PDE1A: variants seen among roughly 807,000 people sequenced by gnomAD.
PDE1A encodes the protein phosphodiesterase 1A, also known as dual specificity calcium/calmodulin-dependent 3',5'-cyclic nucleotide phosphodiesterase 1A.
Under a neutral mutation model 61.7 loss-of-function variants are expected in PDE1A, and 35 were observed. The ratio of observed to expected loss-of-function variants is 0.57; its 90% CI spans 0.43 to 0.75. The LOEUF (loss-of-function observed/expected upper bound fraction) is 0.75. PDE1A is among the 30% of genes least tolerant of loss of function. The pLI, the probability that PDE1A is intolerant of heterozygous loss-of-function variation, is 0.00. For missense variants in PDE1A, 597 were observed against 630.6 expected, an observed-to-expected ratio of 0.95 and a Z score of 0.57; for synonymous variants, 232 against 213.2, an observed-to-expected ratio of 1.09 and a Z score of -0.77.
At chr2:182,629,304 A>G in the PDE1A span, among the ~76,000 whole-genome samples, 5 of 152,208 alleles carry the variant, frequency 3.3e-5, no homozygotes, top group Non-Finnish European at 5.9e-5. Flanking sequence ...AAATAAGTGT[A>G]TGTCATTTTA....
chr2:182,170,605 T>A, intron 13 of PDE1A, among the ~76,000 whole-genome samples: 1 of 152,008 alleles, frequency 6.6e-6, no homozygotes, highest in East Asian at 1.9e-4. Context: ...TTAGATTCAT[T>A]TGTAATACAT....
the PDE1A span, among the ~76,000 whole-genome samples, chr2:182,631,066 A>G: frequency 6.6e-6 from 1 of 152,088 alleles, no homozygotes; most frequent in African/African-American, 2.4e-5. Context: ...GGCTCACACA[A>G]TTGTGGAAGC....
At chr2:182,601,864 G>A in the PDE1A span, among the ~76,000 whole-genome samples, 1 of 152,188 alleles carries the variant, frequency 6.6e-6, no homozygotes, top group Non-Finnish European at 1.5e-5. Context: ...GGACTTTTAT[G>A]GGCCCCAGAG....
At chr2:182,605,017 G>GT in the PDE1A span, among the ~76,000 whole-genome samples, 66,189 of 151,276 alleles carry the variant, frequency 0.44, 14,808 homozygotes, top group African/African-American at 0.53. Context: ...CAGTCTCTGG[G>GT]TGGGGGCCTG....
intron 1 of PDE1A, among the ~76,000 whole-genome samples, chr2:182,323,544 AC>A (rs1419739800): frequency 6.6e-6 from 1 of 152,200 alleles, no homozygotes; most frequent in Non-Finnish European, 1.5e-5. Flanking sequence ...CCTAATGTTT[AC>A]CAGTTAAGAG....
At chr2:182,631,841 T>A in the PDE1A span, among the ~76,000 whole-genome samples, 1 of 152,218 alleles carries the variant, frequency 6.6e-6, no homozygotes, top group African/African-American at 2.4e-5. Flanking sequence ...ATTTACATCT[T>A]GCTATTCTCA....
chr2:182,620,738 C>T, the PDE1A span, among the ~76,000 whole-genome samples: 6 of 152,100 alleles, frequency 3.9e-5, no homozygotes, highest in African/African-American at 1.2e-4. Context: ...AATTTTCTTT[C>T]TTTCCTCAAA....
chr2:182,458,558 C>T (rs949492895), intron 2 of PDE1A, among the ~76,000 whole-genome samples: 4 of 151,934 alleles, frequency 2.6e-5, no homozygotes, highest in African/African-American at 9.7e-5. Context: ...TAAATCTTCC[C>T]AATAATGCCC....
At chr2:182,256,750 T>C (rs1450702462) in intron 2 of PDE1A, among the ~76,000 whole-genome samples, 1 of 152,182 alleles carries the variant, frequency 6.6e-6, no homozygotes, top group African/African-American at 2.4e-5. Flanking sequence ...CTAAATACGT[T>C]TTTTAAACTT....
chr2:182,696,673 C>G, the PDE1A span, among the ~76,000 whole-genome samples: 1 of 152,098 alleles, frequency 6.6e-6, no homozygotes, highest in African/African-American at 2.4e-5. Context: ...ATCTACCACT[C>G]TGGGAGGGGA....
At chr2:182,289,841 A>G (rs1480652544) in intron 1 of PDE1A, among the ~76,000 whole-genome samples, 1 of 152,064 alleles carries the variant, frequency 6.6e-6, no homozygotes, top group Admixed American at 6.6e-5. Context: ...ATCAGTGATG[A>G]TTTTCAAAAA....
chr2:182,484,447 G>T (rs1380531130), intron 2 of PDE1A, among the ~76,000 whole-genome samples: 3 of 151,892 alleles, frequency 2.0e-5, no homozygotes, highest in Non-Finnish European at 4.4e-5. Flanking sequence ...CCTGGATACA[G>T]GAACAGGCGA....
At chr2:182,423,820 A>C (rs1026972889) in intron 1 of PDE1A, among the ~76,000 whole-genome samples, 3 of 152,114 alleles carry the variant, frequency 2.0e-5, no homozygotes, top group African/African-American at 7.2e-5. Flanking sequence ...CTTGTAGTCA[A>C]TCAGTGAAGG....
chr2:182,467,641 A>G (rs1686759585), intron 2 of PDE1A, among the ~76,000 whole-genome samples: 1 of 151,944 alleles, frequency 6.6e-6, no homozygotes, highest in East Asian at 1.9e-4. Context: ...AGAGACTAAA[A>G]CTGTAAAAAT....
At chr2:182,572,278 G>A in the PDE1A span, among the ~76,000 whole-genome samples, 3 of 152,070 alleles carry the variant, frequency 2.0e-5, no homozygotes, top group African/African-American at 7.2e-5. Context: ...AGAAGAATGA[G>A]GAGAAAATTC....
At chr2:182,680,422 C>A in the PDE1A span, among the ~76,000 whole-genome samples, 1 of 151,900 alleles carries the variant, frequency 6.6e-6, no homozygotes, top group Admixed American at 6.6e-5. Flanking sequence ...AAATTTTGTA[C>A]AAAATTACAG....
chr2:182,650,371 C>T, the PDE1A span, among the ~76,000 whole-genome samples: 34 of 152,136 alleles, frequency 2.2e-4, no homozygotes, highest in African/African-American at 8.0e-4. Flanking sequence ...GAGCAGAGAG[C>T]ACAGATACAA....
chr2:182,627,226 TA>T, the PDE1A span, among the ~76,000 whole-genome samples: 1 of 70,678 alleles, frequency 1.4e-5, no homozygotes, highest in South Asian at 4.9e-4. Flanking sequence ...ATAAATAATA[TA>T]TTATTTATAT....
intron 7 of PDE1A, among the ~76,000 whole-genome samples, chr2:182,217,953 T>G (rs1688353139): frequency 6.6e-6 from 1 of 151,750 alleles, no homozygotes; most frequent in Non-Finnish European, 1.5e-5. Flanking sequence ...CATGCTGCTA[T>G]AAAGACACAT....
Sources: allele counts gnomAD v4.1 joint callset (sites outside exome capture counted in the v4.1 genomes callset), GRCh38; gene constraint gnomAD v4.1.1; transcripts MANE v1.5; gene names NCBI Gene and HGNC (gene_info 2026-07-23, HGNC 2026-07-21).